The following SAMD5 variants were observed in gnomAD, a reference collection of about 807,000 sequenced individuals.
SAMD5 encodes sterile alpha motif domain containing 5, also known as sterile alpha motif domain-containing protein 5.
SAMD5 carries 13 observed loss-of-function variants against 11.3 expected under a neutral mutation model. The observed-to-expected ratio is 1.15, with a 90% CI of 0.75 to 1.83. SAMD5 has a LOEUF of 1.83. Ranked by LOEUF, SAMD5 falls within the 40% of genes most tolerant of loss-of-function variation. SAMD5 has a pLI of 0.00. For missense variants in SAMD5, 255 were observed against 239.1 expected (o/e 1.07, Z -0.44); for synonymous variants, 129 against 111.3 (o/e 1.16, Z -1.00).
At chr6:147,896,365 G>A in the SAMD5 span, among the ~76,000 whole-genome samples, 1 of 152,058 alleles carries the variant, frequency 6.6e-6, no homozygotes, top group Non-Finnish European at 1.5e-5. Flanking sequence ...TCTGAGCTGG[G>A]GCTGGGGCTG....
At chr6:147,926,603 A>C in the SAMD5 span, among the ~76,000 whole-genome samples, 1 of 151,988 alleles carries the variant, frequency 6.6e-6, no homozygotes, top group Non-Finnish European at 1.5e-5. Context: ...GTTTGAAAAT[A>C]TGTTCTCCCC....
chr6:147,615,432 C>A (rs1428569485), intron 1 of SAMD5, among the ~76,000 whole-genome samples: 3 of 152,134 alleles, frequency 2.0e-5, no homozygotes, highest in Admixed American at 6.6e-5. Context: ...TAGTTATTAA[C>A]TTAAAAATAA....
chr6:147,516,613 G>C (rs770611846), intron 1 of SAMD5, among the ~76,000 whole-genome samples: 1 of 152,164 alleles, frequency 6.6e-6, no homozygotes, highest in African/African-American at 2.4e-5. Flanking sequence ...AGTTCTGGAG[G>C]CTATAAGTCC....
chr6:147,701,569 G>A (rs1247285265), intron 1 of SAMD5, among the ~76,000 whole-genome samples: 2 of 151,776 alleles, frequency 1.3e-5, no homozygotes, highest in Non-Finnish European at 2.9e-5. Context: ...GGGAGGTGGA[G>A]GTTGCAGTGA....
chr6:147,651,044 T>C (rs1790476231), intron 1 of SAMD5, among the ~76,000 whole-genome samples: 1 of 152,218 alleles, frequency 6.6e-6, no homozygotes, highest in South Asian at 2.1e-4. Context: ...TTATGACATT[T>C]TGAAATGTAT....
At chr6:147,510,812 A>C (rs541430279) in intron 1 of SAMD5, among the ~76,000 whole-genome samples, 8 of 152,234 alleles carry the variant, frequency 5.3e-5, no homozygotes, top group Non-Finnish European at 1.0e-4. Context: ...CAAATTAAAC[A>C]CGTGTTCCAG....
At chr6:147,897,590 C>A in the SAMD5 span, among the ~76,000 whole-genome samples, 1 of 152,094 alleles carries the variant, frequency 6.6e-6, no homozygotes, top group South Asian at 2.1e-4. Flanking sequence ...AGGCTTGGGG[C>A]AAATCACCTC....
At chr6:147,547,883 G>A (rs996049603) in intron 1 of SAMD5, among the ~76,000 whole-genome samples, 1 of 152,188 alleles carries the variant, frequency 6.6e-6, no homozygotes, top group African/African-American at 2.4e-5. Context: ...GAATTGAAAA[G>A]TAAGAAATCT....
rs376695457 is a variant in SAMD5 at position 147,684,143 on chromosome 6, C to T, written c.163-53174C>T. On this transcript the variant is annotated intron_variant, in intron 1 of 1. Transcript: ENST00000566741. ...CCATTACCTCTTTCCCAGAGCTAAG[C>T]GTTTCATTATGATTAGTTCTTCCTA... 1.1e-4 allele frequency among the ~76,000 whole-genome samples: 16 copies of T among 152,080 alleles called. No homozygotes were observed. In the East Asian group the frequency reaches 2.3e-3, roughly 22 times the overall value.
chr6:147,934,989 G>T, the SAMD5 span, among the ~76,000 whole-genome samples: 1 of 152,162 alleles, frequency 6.6e-6, no homozygotes, highest in East Asian at 1.9e-4. Context: ...GACAACTTGT[G>T]TCAGGACTAA....
intron 1 of SAMD5, among the ~76,000 whole-genome samples, chr6:147,594,173 A>G (rs1789495887): frequency 6.6e-6 from 1 of 152,160 alleles, no homozygotes; most frequent in Non-Finnish European, 1.5e-5. Flanking sequence ...ATAAAGTGCA[A>G]CAATAAGCAC....
the SAMD5 span, among the ~76,000 whole-genome samples, chr6:147,927,836 T>A: frequency 2.6e-5 from 4 of 152,330 alleles, no homozygotes; most frequent in East Asian, 7.7e-4. Flanking sequence ...TTGAGGTATG[T>A]TCCTTCAATA....
intron 1 of SAMD5, among the ~76,000 whole-genome samples, chr6:147,642,101 C>T (rs1002790452): frequency 2.2e-4 from 33 of 152,156 alleles, no homozygotes; most frequent in Admixed American, 2.1e-3. Context: ...GGTTGTTATA[C>T]ACACATTACA....
chr6:147,525,679 G>A (rs1788326577), intron 1 of SAMD5, among the ~76,000 whole-genome samples: 1 of 151,946 alleles, frequency 6.6e-6, no homozygotes, highest in African/African-American at 2.4e-5. Context: ...ATGGGGGTTG[G>A]TTACTATGTG....
chr6:147,859,232 C>T, the SAMD5 span, among the ~76,000 whole-genome samples: 3 of 152,182 alleles, frequency 2.0e-5, no homozygotes, highest in South Asian at 2.1e-4. Context: ...CATAGGGGGA[C>T]GTGATTTACT....
chr6:147,926,982 C>T, the SAMD5 span, among the ~76,000 whole-genome samples: 4 of 151,536 alleles, frequency 2.6e-5, no homozygotes, highest in Admixed American at 1.3e-4. Flanking sequence ...TGGTCATAGG[C>T]GACCTTATTT....
chr6:147,524,799 C>G (rs1365667814), intron 1 of SAMD5, among the ~76,000 whole-genome samples: 1 of 152,066 alleles, frequency 6.6e-6, no homozygotes, highest in Non-Finnish European at 1.5e-5. Context: ...TGAAATATGT[C>G]AAATCACAAA....
At chr6:147,522,029 C>T (rs4896920) in intron 1 of SAMD5, among the ~76,000 whole-genome samples, 45,863 of 151,942 alleles carry the variant, frequency 0.3, 7,291 homozygotes, top group African/African-American at 0.41. Flanking sequence ...ACCCATATCT[C>T]CCATTAATGT....
downstream of SAMD5, among the ~76,000 whole-genome samples, chr6:147,574,679 G>A (rs1325427109): frequency 6.6e-6 from 1 of 152,184 alleles, no homozygotes; most frequent in Non-Finnish European, 1.5e-5. Context: ...GGGTTGTCTG[G>A]TGAGGGTTGC....
Sources: allele counts gnomAD v4.1 joint callset (sites outside exome capture counted in the v4.1 genomes callset), GRCh38; gene constraint gnomAD v4.1.1; transcripts MANE v1.5; gene names NCBI Gene and HGNC (gene_info 2026-07-23, HGNC 2026-07-21).